MMP16: variants seen among roughly 807,000 people sequenced by gnomAD.
The protein encoded by MMP16 is matrix metalloproteinase-16.
MMP16 carries 12 observed loss-of-function variants against 67.8 expected under a neutral mutation model. The ratio of observed to expected loss-of-function variants is 0.18; its 90% confidence interval spans 0.11 to 0.29. MMP16 has a LOEUF of 0.29. Among genes scored for constraint, MMP16 ranks in the 10% least tolerant of loss-of-function variants. The pLI, the probability that MMP16 is intolerant of heterozygous loss-of-function variation, is 1.00. For missense variants in MMP16, 475 were observed against 765.7 expected (o/e 0.62, Z 4.48); for synonymous variants, 249 against 255.9 (o/e 0.97, Z 0.26).
chr8:88,259,007 T>TCCTG (rs1810346805), intron 1 of MMP16, among the ~76,000 whole-genome samples: 1 of 152,328 alleles, frequency 6.6e-6, no homozygotes, highest in South Asian at 2.1e-4. Context: ...GAAGCATGCC[T>TCCTG]CCTGCCTGCC....
intron 7 of MMP16, among the ~76,000 whole-genome samples, chr8:88,066,842 C>G (rs1489880255): frequency 6.6e-6 from 1 of 151,822 alleles, no homozygotes; most frequent in Non-Finnish European, 1.5e-5. Flanking sequence ...AAATGTGATA[C>G]AAAGAGAAAA....
chr8:88,133,186 C>A (rs749548652), intron 4 of MMP16, among the ~76,000 whole-genome samples: 1 of 151,410 alleles, frequency 6.6e-6, no homozygotes, highest in Admixed American at 6.6e-5. Flanking sequence ...AAAAAAGAAT[C>A]GTATTGAATT....
intron 1 of MMP16, among the ~76,000 whole-genome samples, chr8:88,251,351 T>C: frequency 6.6e-6 from 1 of 150,968 alleles, no homozygotes; most frequent in Non-Finnish European, 1.5e-5. Context: ...TATCTACAAC[T>C]ATCTGATCTT....
chr8:88,069,071 A>G (rs1808507034), intron 7 of MMP16, among the ~76,000 whole-genome samples: 1 of 152,160 alleles, frequency 6.6e-6, no homozygotes, highest in African/African-American at 2.4e-5. Context: ...TATGAATTTT[A>G]GAATCAGCTT....
intron 4 of MMP16, among the ~76,000 whole-genome samples, chr8:88,124,636 A>G (rs1212310047): frequency 1.3e-5 from 2 of 152,042 alleles, no homozygotes; most frequent in East Asian, 3.9e-4. Context: ...CTTTGTAGGC[A>G]TCTGTAATAA....
intron 1 of MMP16, among the ~76,000 whole-genome samples, chr8:88,199,942 C>T (rs909354431): frequency 2.0e-5 from 3 of 151,950 alleles, no homozygotes; most frequent in East Asian, 1.9e-4. Flanking sequence ...AAGAATTATC[C>T]ATTCTTGTGT....
intron 2 of MMP16, among the ~76,000 whole-genome samples, chr8:88,190,094 AC>A (rs1254529529): frequency 3.9e-5 from 6 of 152,240 alleles, no homozygotes; most frequent in Admixed American, 1.3e-4. Context: ...CTTATATAAA[AC>A]AAAATCATGA....
At chr8:88,326,850 G>T in intron 1 of MMP16, 1 of 473,578 alleles carries the variant, frequency 2.1e-6, no homozygotes, top group Non-Finnish European at 3.8e-6. Context: ...GTGTCTTTGA[G>T]CGCGCAGCAT....
chr8:88,256,109 C>A (rs1420305004), intron 1 of MMP16, among the ~76,000 whole-genome samples: 2 of 152,042 alleles, frequency 1.3e-5, no homozygotes, highest in Non-Finnish European at 2.9e-5. Context: ...GTATTTTTAA[C>A]CCATTTATTC....
chr8:88,078,493 C>G (rs950866271), intron 6 of MMP16, among the ~76,000 whole-genome samples: 1 of 152,114 alleles, frequency 6.6e-6, no homozygotes, highest in African/African-American at 2.4e-5. Flanking sequence ...AAAAGGCCTA[C>G]TGTCTGAATA....
intron 1 of MMP16, among the ~76,000 whole-genome samples, chr8:88,296,710 G>C (rs868796915): frequency 6.6e-6 from 1 of 151,236 alleles, no homozygotes; most frequent in African/African-American, 2.4e-5. Flanking sequence ...GTATGACAGG[G>C]ATGACATACC....
chr8:88,269,936 A>G (rs1810539530), intron 1 of MMP16, among the ~76,000 whole-genome samples: 1 of 152,218 alleles, frequency 6.6e-6, no homozygotes, highest in African/African-American at 2.4e-5. Flanking sequence ...AATATCTCAT[A>G]TTATAATCAG....
intron 1 of MMP16, among the ~76,000 whole-genome samples, chr8:88,271,311 C>A (rs768423855): frequency 7.2e-5 from 11 of 152,298 alleles, no homozygotes; most frequent in South Asian, 6.2e-4. Context: ...TTGCACCATT[C>A]TTCCATAACT....
At chr8:88,229,442 G>T (rs1041194934) in intron 1 of MMP16, among the ~76,000 whole-genome samples, 44 of 151,996 alleles carry the variant, frequency 2.9e-4, no homozygotes, top group African/African-American at 8.2e-4. Context: ...TACAGAGCAT[G>T]GTTTTAGAAA....
chr8:88,078,363 A>G (rs1808687469), intron 6 of MMP16, among the ~76,000 whole-genome samples: 1 of 152,212 alleles, frequency 6.6e-6, no homozygotes, highest in African/African-American at 2.4e-5. Context: ...TCACAGAGAT[A>G]AATTCACATA....
chr8:88,088,801 C>T (rs1038208726), intron 6 of MMP16, among the ~76,000 whole-genome samples: 1 of 152,050 alleles, frequency 6.6e-6, no homozygotes, highest in Non-Finnish European at 1.5e-5. Context: ...AGTTCTAAGG[C>T]AGTCTTGAGG....
intron 1 of MMP16, among the ~76,000 whole-genome samples, chr8:88,248,549 C>T (rs1188337167): frequency 6.6e-6 from 1 of 151,998 alleles, no homozygotes; most frequent in African/African-American, 2.4e-5. Context: ...TCCATGAGCT[C>T]CCCTCCTTCT....
At chr8:88,290,208 A>G (rs192634651) in intron 1 of MMP16, among the ~76,000 whole-genome samples, 3 of 152,260 alleles carry the variant, frequency 2.0e-5, no homozygotes, top group Non-Finnish European at 2.9e-5. Context: ...ATGTCCCCCT[A>G]TGATCTATAC....
In MMP16 at chr8:88,034,237, G is replaced by T. The variant is rs1586114090; in HGVS notation, c.*7224C>A. On this transcript the variant is annotated 3_prime_UTR_variant, in exon 10 of 10. Coordinates refer to ENST00000286614, the MANE Select transcript of MMP16 (RefSeq NM_005941.5). Reference sequence around the variant, plus strand: ...AAAGGGAAGGGAAAACCAAATCTGTGTAAAAAAAAAAAAAAAAGGCAAGAT... The same window carrying T: ...AAAGGGAAGGGAAAACCAAATCTGTTTAAAAAAAAAAAAAAAAGGCAAGAT... 2 of 119,798 alleles carry T rather than the reference G, an allele frequency of 1.7e-5. No individual in the cohort carries two copies. The allele number at this position is 119,798 out of a possible 1,614,324, so 7.4% of individuals were successfully genotyped here. A position where few individuals can be genotyped will look rare whatever the true frequency, so the allele number is the denominator to read the frequency against.
Sources: allele counts gnomAD v4.1 joint callset (sites outside exome capture counted in the v4.1 genomes callset), GRCh38; gene constraint gnomAD v4.1.1; transcripts MANE v1.5; gene names NCBI Gene and HGNC (gene_info 2026-07-23, HGNC 2026-07-21).